Variants in ANKRD33B observed in about 807,000 individuals in gnomAD.
ANKRD33B encodes ankyrin repeat domain 33B, also known as ankyrin repeat domain-containing protein 33B.
A neutral mutation model predicts 21.5 loss-of-function variants in ANKRD33B; 6 were observed. The observed-to-expected ratio is 0.28, with a 90% CI of 0.15 to 0.55. The LOEUF (loss-of-function observed/expected upper bound fraction) is 0.55, where lower values mean the gene tolerates loss of function less well. Among genes scored for constraint, ANKRD33B ranks in the 20% least tolerant of loss-of-function variants. ANKRD33B has a pLI of 0.94. For missense variants in ANKRD33B, 698 were observed against 747.2 expected (o/e 0.93, Z 0.77); for synonymous variants, 347 against 342.4 (o/e 1.01, Z -0.15).
At chr5:10,580,286 G>A (rs867065912) in intron 1 of ANKRD33B, among the ~76,000 whole-genome samples, 34 of 152,236 alleles carry the variant, frequency 2.2e-4, no homozygotes, top group African/African-American at 8.2e-4. Flanking sequence ...TCTGTGTTGA[G>A]CGTTGGGCCA....
Position 10,584,235 on chromosome 5 carries a change from T to C in ANKRD33B, c.366+19402T>C, listed in dbSNP as rs181088083. Among the ~76,000 whole-genome samples, 193 of 152,324 alleles carry C rather than the reference T, an allele frequency of 1.3e-3. 1 individual carries two copies. The highest frequency in any genetic ancestry group is 3.7e-4 in the Non-Finnish European group (25 of 68,018). On this transcript the variant is annotated intron_variant, in intron 1 of 3. Transcript: ENST00000296657. Reference sequence around the variant, plus strand: ...ACACTTCAAGCAGGCACTTTCTCTGTTGGAATTCTCCCTTTAAAAAGAACT... The same window carrying C: ...ACACTTCAAGCAGGCACTTTCTCTGCTGGAATTCTCCCTTTAAAAAGAACT...
In ANKRD33B at chr5:10,598,441, A is replaced by G. The variant is rs147385721; in HGVS notation, c.367-19892A>G. ...ACCACCATGCCTGGCTAATTTTTGT[A>G]TTTTTTGTAGAGATGGAGTTTCACC... On this transcript the variant is annotated intron_variant, in intron 1 of 3. Transcript: ENST00000296657. 6.6e-3 allele frequency among the ~76,000 whole-genome samples: 1,006 copies of G among 151,670 alleles called. 9 individuals carry two copies. The highest frequency in any genetic ancestry group is 0.023 in the African/African-American group (949 of 41,352).
chr5:10,644,100 T>C (rs1043460242), intron 3 of ANKRD33B, among the ~76,000 whole-genome samples: 4 of 152,106 alleles, frequency 2.6e-5, no homozygotes, highest in Admixed American at 1.3e-4. Context: ...ACACAAATAT[T>C]TTAAGTCTTA....
Position 10,650,198 on chromosome 5 carries a change from G to A in ANKRD33B, c.*85G>A. The A allele has an allele frequency of 7.4e-7, 1 of 1,345,600 alleles. No homozygotes were observed. The highest frequency in any genetic ancestry group is 1.6e-5 in the South Asian group (1 of 62,462). 83.4% of individuals were successfully genotyped at this position (1,345,600 alleles called of 1,614,324 possible). On this transcript the variant is annotated 3_prime_UTR_variant, in exon 4 of 4. Transcript: ENST00000296657. ...GCGCGGAGAAGGAGGCGGCCCCGTT[G>A]CGCATCGCACCACTTCCGCTCCATG...
chr5:10,591,738 T>C (rs1005904438), intron 1 of ANKRD33B, among the ~76,000 whole-genome samples: 3 of 152,152 alleles, frequency 2.0e-5, no homozygotes, highest in African/African-American at 7.2e-5. Flanking sequence ...TATTTTTTGG[T>C]TTTTCTACTC....
At chr5:10,621,488 A>G (rs1328623614) in intron 2 of ANKRD33B, among the ~76,000 whole-genome samples, 2 of 152,234 alleles carry the variant, frequency 1.3e-5, no homozygotes, top group Non-Finnish European at 2.9e-5. Flanking sequence ...GTTTGCAGCA[A>G]TCACAATGCA....
At chr5:10,601,202 C>G (rs1219030632) in intron 1 of ANKRD33B, among the ~76,000 whole-genome samples, 1 of 152,096 alleles carries the variant, frequency 6.6e-6, no homozygotes, top group East Asian at 1.9e-4. Flanking sequence ...TCCTCCCACA[C>G]CAGCTCCCAC....
intron 2 of ANKRD33B, among the ~76,000 whole-genome samples, chr5:10,628,662 CT>C (rs1272932996): frequency 6.6e-6 from 1 of 152,304 alleles, no homozygotes; most frequent in African/African-American, 2.4e-5. Flanking sequence ...AATAAATAAA[CT>C]TTTCCCAAAG....
rs867800329 is a variant in ANKRD33B at position 10,657,716 on chromosome 5, C to T, written c.*7603C>T. Reference sequence around the variant, plus strand: ...AATGTTTTTCCCTTTTAACTTCTAACAAATTATGTATCTAATGTTTAAAAA... The same window carrying T: ...AATGTTTTTCCCTTTTAACTTCTAATAAATTATGTATCTAATGTTTAAAAA... On this transcript the variant is annotated 3_prime_UTR_variant, in exon 4 of 4. Coordinates refer to ENST00000296657, the MANE Select transcript of ANKRD33B (RefSeq NM_001164440.2). 6.6e-6 allele frequency: 1 copy of T among 152,192 alleles called. No homozygotes were observed. The highest frequency in any genetic ancestry group is 2.4e-5 in the African/African-American group (1 of 41,396). 9.4% of individuals were successfully genotyped at this position (152,192 alleles called of 1,614,324 possible). A position where few individuals can be genotyped will look rare whatever the true frequency, so the allele number is the denominator to read the frequency against.
At position 10,649,249 on chromosome 5, in the gene ANKRD33B, T is replaced by TGTTTTGC; in HGVS notation, c.638-9_638-3dup. On this transcript the variant is annotated splice_polypyrimidine_tract_variant and intron_variant, in intron 3 of 3. Coordinates refer to ENST00000296657, the MANE Select transcript of ANKRD33B (RefSeq NM_001164440.2). The stretch of plus-strand genomic sequence containing the variant: ...TGTTGCCGCCACCCACTTCTGTTTG[T>TGTTTTGC]GTTTTGCGTTTTGCAGGGGCGGATG... 1 of 1,507,676 alleles carries TGTTTTGC rather than the reference T, an allele frequency of 6.6e-7. No homozygotes were observed. The highest frequency in any genetic ancestry group is 8.9e-7 in the Non-Finnish European group (1 of 1,127,890). 93.4% of individuals were successfully genotyped at this position (1,507,676 alleles called of 1,614,324 possible). A position where few individuals can be genotyped will look rare whatever the true frequency, so the allele number is the denominator to read the frequency against.
At chr5:10,580,170 A>G (rs1298908102) in intron 1 of ANKRD33B, among the ~76,000 whole-genome samples, 2 of 152,214 alleles carry the variant, frequency 1.3e-5, no homozygotes, top group African/African-American at 4.8e-5. Context: ...TGCAAGACAT[A>G]TGTGGGTTCT....
In ANKRD33B at chr5:10,604,525, G is replaced by A. The variant is rs370964930; in HGVS notation, c.367-13808G>A. Among the ~76,000 whole-genome samples, 870 of 133,118 alleles carry A rather than the reference G, an allele frequency of 6.5e-3. 8 individuals carry two copies. Among genetic ancestry groups the A allele is most frequent in the African/African-American group, 0.022 (783 of 35,050 alleles). The allele number at this position is 133,118 out of a possible 152,430, so 87.3% of individuals were successfully genotyped here. ...GAACCTTTTTGAAAAAAAAAAAAAA[G>A]AAAAAAAAAAGAAAAATATAGCACT... On this transcript the variant is annotated intron_variant, in intron 1 of 3. Transcript: ENST00000296657.
At chr5:10,626,681 A>G (rs954621874) in intron 2 of ANKRD33B, among the ~76,000 whole-genome samples, 3 of 152,196 alleles carry the variant, frequency 2.0e-5, no homozygotes, top group African/African-American at 4.8e-5. Context: ...CCCAGCTGCT[A>G]GAAGTGCCAC....
chr5:10,620,604 A>G (rs191563522), intron 2 of ANKRD33B, among the ~76,000 whole-genome samples: 6 of 152,282 alleles, frequency 3.9e-5, no homozygotes, highest in Admixed American at 1.3e-4. Context: ...GTGCTTTGAT[A>G]CCCATGAGGT....
At chr5:10,568,522 A>G (rs1308677993) in intron 1 of ANKRD33B, among the ~76,000 whole-genome samples, 1 of 152,162 alleles carries the variant, frequency 6.6e-6, no homozygotes, top group Admixed American at 6.6e-5. Context: ...TCCTGATGGG[A>G]TTCTGCTTCT....
rs139141796 is a variant in ANKRD33B, at chr5:10,617,842, T to G, written c.367-491T>G. The stretch of plus-strand genomic sequence containing the variant: ...AGTTGGGGCCCTTGCTTGAGCTGTT[T>G]CCTCTACTGGGGCATTTTCCCCTCT... On this transcript the variant is annotated intron_variant, in intron 1 of 3. Coordinates refer to ENST00000296657, the MANE Select transcript of ANKRD33B (RefSeq NM_001164440.2). Among the ~76,000 whole-genome samples the G allele has an allele frequency of 3.1e-3, 474 of 152,294 alleles. 3 individuals are homozygous for G. The highest frequency in any genetic ancestry group is 0.014 in the Middle Eastern group (4 of 294).
intron 2 of ANKRD33B, 30 bp downstream of exon 2, chr5:10,618,492 G>C: frequency 1.3e-6 from 2 of 1,502,626 alleles, no homozygotes; most frequent in Non-Finnish European, 1.8e-6. Context: ...TTTCCTCTCA[G>C]AGCCGTGGCC....
At chr5:10,637,075 G>A (rs1334140244) in intron 2 of ANKRD33B, among the ~76,000 whole-genome samples, 1 of 152,222 alleles carries the variant, frequency 6.6e-6, no homozygotes, top group East Asian at 1.9e-4. Context: ...CCTGCTCCAG[G>A]ACACTGAAGT....
At position 10,589,952 on chromosome 5, in the gene ANKRD33B, T is replaced by G. The variant is rs370588255; in HGVS notation, c.366+25119T>G. ...TGCTTTTCTTCCTATCTTTTAAATC[T>G]TTTTTTTTTTTAATTTTCTGGGCAT... On this transcript the variant is annotated intron_variant, in intron 1 of 3. Coordinates refer to ENST00000296657, the MANE Select transcript of ANKRD33B (RefSeq NM_001164440.2). 2.2e-4 allele frequency among the ~76,000 whole-genome samples: 27 copies of G among 122,316 alleles called. 2 individuals are homozygous for G. The highest frequency in any genetic ancestry group is 1.8e-3 in the Admixed American group (22 of 12,192). The allele number at this position is 122,316 out of a possible 152,430, so 80.2% of individuals were successfully genotyped here.
Sources: allele counts gnomAD v4.1 joint callset (sites outside exome capture counted in the v4.1 genomes callset), GRCh38; gene constraint gnomAD v4.1.1; transcripts MANE v1.5; gene names NCBI Gene and HGNC (gene_info 2026-07-23, HGNC 2026-07-21).